The following LRRC28 variants were observed in gnomAD, a reference collection of about 807,000 sequenced individuals.
LRRC28 encodes leucine-rich repeat-containing protein 28.
LRRC28 carries 39 observed loss-of-function variants against 45.7 expected under a neutral mutation model. That is an observed-to-expected ratio of 0.85 (90% confidence interval 0.66 to 1.12). LRRC28 has a LOEUF of 1.12. Ranked by LOEUF, LRRC28 falls within the 50% of genes most tolerant of loss-of-function variation. LRRC28 has a pLI of 0.00. For synonymous variants in LRRC28, 206 were observed against 178.8 expected (o/e 1.15, Z -1.22); for missense variants, 435 against 438.5 (o/e 0.99, Z 0.07).
intron 9 of LRRC28, among the ~76,000 whole-genome samples, chr15:99,367,383 G>A (rs966944318): frequency 2.0e-5 from 3 of 152,174 alleles, no homozygotes; most frequent in African/African-American, 7.2e-5. Flanking sequence ...GGCCACGTCT[G>A]GTGAGGGCCA....
chr15:99,310,361 T>C (rs1338189083), intron 5 of LRRC28, among the ~76,000 whole-genome samples: 1 of 152,242 alleles, frequency 6.6e-6, no homozygotes, highest in African/African-American at 2.4e-5. Flanking sequence ...TTGTAATTTC[T>C]AATGAAATAT....
intron 9 of LRRC28, among the ~76,000 whole-genome samples, chr15:99,373,062 C>T (rs1056420891): frequency 4.6e-5 from 7 of 152,084 alleles, no homozygotes; most frequent in Non-Finnish European, 5.9e-5. Context: ...GTCCTTCCCA[C>T]GACACATGGG....
intron 5 of LRRC28, among the ~76,000 whole-genome samples, chr15:99,303,597 G>A (rs1448554556): frequency 6.6e-6 from 1 of 152,176 alleles, no homozygotes; most frequent in Non-Finnish European, 1.5e-5. Flanking sequence ...ACTTTGGGAG[G>A]CCGAGGTGGG....
chr15:99,326,881 A>G (rs1955997157), intron 5 of LRRC28, among the ~76,000 whole-genome samples: 1 of 152,158 alleles, frequency 6.6e-6, no homozygotes, highest in African/African-American at 2.4e-5. Flanking sequence ...TGGTTTTAGT[A>G]TCAGGGTAAT....
chr15:99,259,284 G>A (rs2081120761), intron 2 of LRRC28: 2 of 1,106,338 alleles, frequency 1.8e-6, no homozygotes, highest in Non-Finnish European at 2.8e-6. Flanking sequence ...TTTGTTTAGC[G>A]ACTTCTGAAA....
intron 5 of LRRC28, among the ~76,000 whole-genome samples, chr15:99,288,566 G>A (rs963256197): frequency 4.0e-5 from 6 of 151,882 alleles, no homozygotes; most frequent in Non-Finnish European, 5.9e-5. Context: ...ATTTTTGGTA[G>A]AGATAGGGTT....
chr15:99,380,004 G>GA (rs1221811913), intron 9 of LRRC28, among the ~76,000 whole-genome samples: 1 of 152,176 alleles, frequency 6.6e-6, no homozygotes, highest in African/African-American at 2.4e-5. Flanking sequence ...GTGCTGAGAA[G>GA]AATGTATAGT....
chr15:99,370,049 T>C (rs941327096), intron 9 of LRRC28, among the ~76,000 whole-genome samples: 7 of 152,198 alleles, frequency 4.6e-5, no homozygotes, highest in African/African-American at 1.7e-4. Flanking sequence ...TTAAGTTGAA[T>C]CATACAAGTC....
chr15:99,261,701 A>C (rs549297950), intron 2 of LRRC28, among the ~76,000 whole-genome samples: 1 of 151,852 alleles, frequency 6.6e-6, no homozygotes, highest in East Asian at 1.9e-4. Flanking sequence ...CTTGTTGCCC[A>C]GGCTGGAGTG....
intron 3 of LRRC28, among the ~76,000 whole-genome samples, chr15:99,283,486 C>T (rs566851762): frequency 5.6e-4 from 84 of 151,216 alleles, no homozygotes; most frequent in Non-Finnish European, 8.7e-4. Flanking sequence ...TGTGGTGGTG[C>T]GCACCTGTAA....
intron 2 of LRRC28, among the ~76,000 whole-genome samples, chr15:99,261,594 A>G (rs1256961904): frequency 1.3e-5 from 2 of 152,104 alleles, no homozygotes; most frequent in African/African-American, 4.8e-5. Flanking sequence ...CTCTGCTGTC[A>G]TAATTTAATT....
rs1597368931 is a variant in LRRC28 at position 99,334,077 on chromosome 15, C to T, written c.540C>T (p.Pro180=). Residue 180 remains proline, a synonymous_variant, in exon 6 of 10, where the codon CCC becomes CCT. Transcript: ENST00000301981. ...TGCCGCGCCATCTCTGCCAGCTGCC[C>T]AGCCTCAATGAGCTCTCCATGGCTG... The part of the protein sequence containing the change: ...WYVPRHLCQL[P]SLNELSMAGN... 6.2e-7 allele frequency: 1 copy of T among 1,614,160 alleles called. No homozygotes were observed. Among genetic ancestry groups the T allele is most frequent in the East Asian group, 2.2e-5 (1 of 44,884 alleles).
At chr15:99,383,087 C>T (rs975636983) in intron 9 of LRRC28, among the ~76,000 whole-genome samples, 3 of 152,182 alleles carry the variant, frequency 2.0e-5, no homozygotes, top group African/African-American at 7.2e-5. Flanking sequence ...CTCACCCATA[C>T]GGAAACCCTG....
chr15:99,354,143 A>G (rs1001238119), intron 7 of LRRC28: 5 of 152,206 alleles, frequency 3.3e-5, no homozygotes, highest in Admixed American at 2.0e-4. Flanking sequence ...CCTATAATCT[A>G]AAGGCATTTT....
At chr15:99,348,527 A>G (rs1956767179) in intron 6 of LRRC28, among the ~76,000 whole-genome samples, 1 of 152,014 alleles carries the variant, frequency 6.6e-6, no homozygotes, top group Non-Finnish European at 1.5e-5. Flanking sequence ...TATTCAAGAC[A>G]CTTTCTGTTC....
chr15:99,299,112 G>T (rs1480874944), intron 5 of LRRC28, among the ~76,000 whole-genome samples: 2 of 152,180 alleles, frequency 1.3e-5, no homozygotes, highest in South Asian at 2.1e-4. Flanking sequence ...TTAATAGTTC[G>T]TTTTTACTGA....
chr15:99,321,056 T>C (rs942734213), intron 5 of LRRC28, among the ~76,000 whole-genome samples: 5 of 152,158 alleles, frequency 3.3e-5, no homozygotes, highest in Non-Finnish European at 7.3e-5. Flanking sequence ...GAAAAAAATG[T>C]TTTCCTTTAG....
rs1956234333 is a variant in LRRC28, at chr15:99,333,905, T to G, written c.386-18T>G. 6.2e-7 allele frequency: 1 copy of G among 1,613,128 alleles called. No homozygotes were observed. Among genetic ancestry groups the G allele is most frequent in the South Asian group, 1.1e-5 (1 of 91,066 alleles). ...TTCATAAGGATGCAATTTATCCTAA[T>G]TTTGATTTTGGTTGTAGAGGTTGGC... On this transcript the variant is annotated intron_variant, in intron 5 of 9. Coordinates refer to ENST00000301981, the MANE Select transcript of LRRC28 (RefSeq NM_144598.5).
At chr15:99,319,195 C>T (rs1295031946) in intron 5 of LRRC28, among the ~76,000 whole-genome samples, 2 of 152,088 alleles carry the variant, frequency 1.3e-5, no homozygotes, top group Non-Finnish European at 2.9e-5. Context: ...CAACAATAGA[C>T]ACCTAGTGGC....
Sources: gnomAD v4.1 joint callset for allele counts (sites outside exome capture counted in the v4.1 genomes callset) on GRCh38, gnomAD v4.1.1 for gene constraint, MANE v1.5 for transcripts, NCBI Gene and HGNC (gene_info 2026-07-23, HGNC 2026-07-21) for gene names.